Variants in PAX8 observed in about 807,000 individuals in gnomAD.
PAX8 encodes the protein paired box 8, also known as paired box protein Pax-8.
Under a neutral mutation model 52.4 loss-of-function variants are expected in PAX8, and 15 were observed. The observed-to-expected ratio is 0.29, with a 90% CI of 0.19 to 0.44. The LOEUF (loss-of-function observed/expected upper bound fraction) is 0.44. Ranked by LOEUF, PAX8 falls within the 20% of genes least tolerant of loss-of-function variation. The pLI, the probability that PAX8 is intolerant of heterozygous loss-of-function variation, is 1.00. For synonymous variants in PAX8, 284 were observed against 249.7 expected (o/e 1.14, Z -1.29); for missense variants, 554 against 602.5 (o/e 0.92, Z 0.84).
intron 2 of PAX8, among the ~76,000 whole-genome samples, chr2:113,247,769 C>T (rs547993457): frequency 2.0e-5 from 3 of 152,336 alleles, no homozygotes; most frequent in South Asian, 2.1e-4. Context: ...CTATGTGCCA[C>T]GCACTGCACA....
intron 10 of PAX8, chr2:113,226,531 G>C (rs1689581470): frequency 1.0e-6 from 1 of 998,788 alleles, no homozygotes; most frequent in African/African-American, 1.7e-5. Flanking sequence ...TTCCAGAACA[G>C]TCCAAATGAG....
chr2:113,277,222 T>C (rs1693880666), intron 2 of PAX8, among the ~76,000 whole-genome samples: 1 of 152,138 alleles, frequency 6.6e-6, no homozygotes, highest in African/African-American at 2.4e-5. Context: ...AGCATTCGTC[T>C]GCAGCTCTAG....
chr2:113,250,497 A>C (rs1390152413), intron 2 of PAX8, among the ~76,000 whole-genome samples: 2 of 152,186 alleles, frequency 1.3e-5, no homozygotes, highest in East Asian at 3.8e-4. Context: ...TACTGAGCAC[A>C]ATGCCCTAAG....
intron 9 of PAX8, among the ~76,000 whole-genome samples, chr2:113,229,517 T>G (rs918053448): frequency 1.1e-4 from 16 of 152,214 alleles, no homozygotes; most frequent in African/African-American, 3.4e-4. Context: ...TGACTTTTCC[T>G]GCAGTGTCCA....
intron 9 of PAX8, among the ~76,000 whole-genome samples, chr2:113,227,650 AT>A (rs1478126333): frequency 7.9e-5 from 12 of 152,226 alleles, no homozygotes; most frequent in Admixed American, 7.2e-4. Flanking sequence ...CCATAAATAC[AT>A]TTGAGACCAC....
chr2:113,248,784 C>A lies in PAX8; in HGVS notation c.26-1865G>T, dbSNP rs557325504. On this transcript the variant is annotated intron_variant, in intron 2 of 11. Transcript: ENST00000429538. ...GACCAGCCTGACCAACATGGTGAAACCCCATCTCTACTAAAAGTACAAAAA... is the reference window on the plus strand; with the variant it reads ...GACCAGCCTGACCAACATGGTGAAAACCCATCTCTACTAAAAGTACAAAAA... Among the ~76,000 whole-genome samples the A allele has an allele frequency of 2.0e-5, 3 of 151,806 alleles. No homozygotes were observed. The East Asian group carries it at 5.8e-4, about 29-fold the overall frequency.
At chr2:113,238,755 T>C (rs1342444519) in intron 7 of PAX8, 1 of 152,212 alleles carries the variant, frequency 6.6e-6, no homozygotes, top group Non-Finnish European at 1.5e-5. Flanking sequence ...AATCATAGAC[T>C]CTACTTTATG....
intron 2 of PAX8, among the ~76,000 whole-genome samples, chr2:113,254,418 A>G (rs1351755838): frequency 6.6e-6 from 1 of 152,204 alleles, no homozygotes; most frequent in Non-Finnish European, 1.5e-5. Flanking sequence ...AGAGAGAATG[A>G]GCTCAAGCTG....
chr2:113,216,920 G>A lies in PAX8; in HGVS notation c.*1613C>T, dbSNP rs911360992. On this transcript the variant is annotated 3_prime_UTR_variant, in exon 12 of 12. Transcript: ENST00000429538. ...GTAAAATGAAGCTGTATGTAAAACA[G>A]GGCTAATTTCAGCTTAACTTATATG... 1.3e-5 allele frequency: 3 copies of A among 229,320 alleles called. No individual in the cohort carries two copies. Among genetic ancestry groups the A allele is most frequent in the Non-Finnish European group, 2.6e-5 (3 of 115,572 alleles). 14.2% of individuals were successfully genotyped at this position (229,320 alleles called of 1,614,324 possible).
At chr2:113,243,772 T>C (rs752101308) in intron 4 of PAX8, among the ~76,000 whole-genome samples, 3 of 152,236 alleles carry the variant, frequency 2.0e-5, no homozygotes, top group African/African-American at 7.2e-5. Context: ...AGTTCTCTTA[T>C]TGTTTTTTAC....
At chr2:113,224,010 A>G (rs1329030880) in intron 10 of PAX8, among the ~76,000 whole-genome samples, 6 of 152,150 alleles carry the variant, frequency 3.9e-5, no homozygotes, top group Admixed American at 3.9e-4. Context: ...GGATGTATAT[A>G]TAGAAAGATG....
intron 2 of PAX8, among the ~76,000 whole-genome samples, chr2:113,277,788 A>T (rs1423872823): frequency 6.6e-6 from 1 of 152,138 alleles, no homozygotes; most frequent in Admixed American, 6.5e-5. Context: ...AGTCCTCACC[A>T]GCCGGACGCC....
intron 2 of PAX8, chr2:113,267,049 C>A (rs1479612226): frequency 1.1e-4 from 16 of 152,262 alleles, no homozygotes; most frequent in African/African-American, 3.9e-4. Context: ...TGTGTTCACA[C>A]TTCTCCTTTA....
chr2:113,275,681 A>C lies in PAX8; in HGVS notation c.25+2689T>G, dbSNP rs146586336. On this transcript the variant is annotated intron_variant, in intron 2 of 11. Coordinates refer to ENST00000429538, the MANE Select transcript of PAX8 (RefSeq NM_003466.4). Reference sequence around the variant, plus strand: ...TCCTCATTGGTACAGTATTGTTTTCACTTTTATATATATGGGGCATTTATC... The same window carrying C: ...TCCTCATTGGTACAGTATTGTTTTCCCTTTTATATATATGGGGCATTTATC... 1.2e-3 allele frequency: 187 copies of C among 152,234 alleles called. 1 individual carries two copies. The highest frequency in any genetic ancestry group is 4.2e-3 in the African/African-American group (175 of 41,532). The allele number at this position is 152,234 out of a possible 1,614,324, so 9.4% of individuals were successfully genotyped here. A position where few individuals can be genotyped will look rare whatever the true frequency, so the allele number is the denominator to read the frequency against.
rs748915866 is a variant in PAX8, at chr2:113,242,134, C to T, written c.479-4G>A. On this transcript the variant is annotated splice_polypyrimidine_tract_variant and splice_region_variant and intron_variant, in intron 5 of 11. Transcript: ENST00000429538. ...GGAGTTACAGCTGAGCTGGGGACTG[C>T]AGTGGGGGAGAGGGAGAGGGTCAGG... The T allele has an allele frequency of 6.8e-6, 11 of 1,610,702 alleles. No individual in the cohort carries two copies. The highest frequency in any genetic ancestry group is 1.3e-5 in the African/African-American group (1 of 74,708).
Position 113,235,555 on chromosome 2 carries a change from T to G in PAX8, c.926A>C (p.Gln309Pro). Residue 309 changes from glutamine to proline, a missense_variant, in exon 9 of 12, where the codon CAG becomes CCG. Transcript: ENST00000429538. ...ADPHSPFAIK[Q>P]ETPEVSSSSS... The stretch of plus-strand genomic sequence containing the variant: ...AGAACTGGACACCTCGGGGGTTTCC[T>G]GCTTTATGGCGAAGGGTGAGTGAGG... 2 of 1,613,326 alleles carry G rather than the reference T, an allele frequency of 1.2e-6. No homozygotes were observed. The highest frequency in any genetic ancestry group is 1.7e-6 in the Non-Finnish European group (2 of 1,179,470).
rs1210789957 is a variant in PAX8, at chr2:113,235,395, T to C, written c.1086A>G (p.Ser362=). Residue 362 remains serine, a splice_region_variant and synonymous_variant, in exon 9 of 12, where the codon TCA becomes TCG. Coordinates refer to ENST00000429538, the MANE Select transcript of PAX8 (RefSeq NM_003466.4). The part of the protein sequence containing the change: ...YGQFTGQALL[S]GREMVGPTLP... Reference sequence around the variant, plus strand: ...GGCCCCGGGACCTCCCTGTCGTACCTGAGAGGAGGGCCTGGCCCGTGAACT... The same window carrying C: ...GGCCCCGGGACCTCCCTGTCGTACCCGAGAGGAGGGCCTGGCCCGTGAACT... The C allele has an allele frequency of 3.8e-6, 6 of 1,574,956 alleles. No homozygotes were observed. The highest frequency in any genetic ancestry group is 1.4e-5 in the African/African-American group (1 of 74,026).
intron 2 of PAX8, among the ~76,000 whole-genome samples, chr2:113,254,213 C>T (rs1692020131): frequency 6.6e-6 from 1 of 152,158 alleles, no homozygotes; most frequent in African/African-American, 2.4e-5. Context: ...ATTTTATATG[C>T]CTACCATGTG....
intron 2 of PAX8, chr2:113,270,408 C>T (rs938565683): frequency 6.6e-6 from 1 of 152,206 alleles, no homozygotes; most frequent in Non-Finnish European, 1.5e-5. Context: ...TCTGACTTGA[C>T]TAAGTTCACA....
Sources: allele counts gnomAD v4.1 joint callset (sites outside exome capture counted in the v4.1 genomes callset), GRCh38; gene constraint gnomAD v4.1.1; transcripts MANE v1.5; gene names NCBI Gene and HGNC (gene_info 2026-07-23, HGNC 2026-07-21).